The following RARB variants were observed in gnomAD, a reference collection of about 807,000 sequenced individuals.
RARB encodes the protein HBV-activated protein.
Under a neutral mutation model 51.9 loss-of-function variants are expected in RARB, and 17 were observed. The observed-to-expected ratio is 0.33, with a 90% CI of 0.22 to 0.49. The LOEUF (loss-of-function observed/expected upper bound fraction) is 0.49. Among genes scored for constraint, RARB ranks in the 20% least tolerant of loss-of-function variants. The pLI, the probability that RARB is intolerant of heterozygous loss-of-function variation, is 0.99. For missense variants in RARB, 369 were observed against 550.8 expected (o/e 0.67, Z 3.30); for synonymous variants, 215 against 195.4 (o/e 1.10, Z -0.84).
At chr3:25,255,469 A>G (rs188923) in intron 5 of RARB, among the ~76,000 whole-genome samples, 145,278 of 152,232 alleles carry the variant, frequency 0.95, 69,465 homozygotes, top group Non-Finnish European at 0.98. Flanking sequence ...GTACAATTAC[A>G]AATTCAGAAA....
intron 5 of RARB, among the ~76,000 whole-genome samples, chr3:25,387,374 A>G (rs369877323): frequency 7.2e-5 from 11 of 152,044 alleles, no homozygotes; most frequent in African/African-American, 2.7e-4. Flanking sequence ...TACCCAGATC[A>G]CCCTCTTTCC....
chr3:24,988,066 G>A (rs1696832720), intron 2 of RARB, among the ~76,000 whole-genome samples: 1 of 151,982 alleles, frequency 6.6e-6, no homozygotes, highest in South Asian at 2.1e-4. Context: ...ACACATGGTT[G>A]AAACGCTTGC....
chr3:24,959,141 T>C (rs1342803774), intron 2 of RARB, among the ~76,000 whole-genome samples: 1 of 152,220 alleles, frequency 6.6e-6, no homozygotes, highest in Non-Finnish European at 1.5e-5. Context: ...GGTAAACAGC[T>C]GAGTGGGCCC....
intron 2 of RARB, among the ~76,000 whole-genome samples, chr3:24,923,704 T>C (rs757246056): frequency 1.3e-5 from 2 of 152,136 alleles, no homozygotes; most frequent in Non-Finnish European, 2.9e-5. Context: ...GCTAGCTGAA[T>C]CACGTGGAAT....
intron 5 of RARB, among the ~76,000 whole-genome samples, chr3:25,421,705 T>A (rs569372375): frequency 6.6e-6 from 1 of 152,224 alleles, no homozygotes; most frequent in African/African-American, 2.4e-5. Flanking sequence ...TGCACGGCCT[T>A]GCACTGACAT....
chr3:25,468,213 A>G (rs1379959435), intron 2 of RARB, among the ~76,000 whole-genome samples: 1 of 152,212 alleles, frequency 6.6e-6, no homozygotes, highest in Non-Finnish European at 1.5e-5. Flanking sequence ...CATGTCAAAT[A>G]CAGACATAAA....
intron 5 of RARB, among the ~76,000 whole-genome samples, chr3:25,300,805 C>T (rs1704020482): frequency 6.6e-6 from 1 of 151,992 alleles, no homozygotes; most frequent in Non-Finnish European, 1.5e-5. Context: ...GCCTGGGCAA[C>T]ATGGTGAAAC....
In RARB at chr3:25,501,424, C is replaced by T. The variant is rs540750975; in HGVS notation, c.448+101C>T. ...AATTCACACACGACACTAACGAAAT[C>T]TTGCCAAGGGTAGGTGTGAATAGAG... is the stretch of plus-strand genomic sequence containing the variant. On this transcript the variant is annotated intron_variant, in intron 3 of 7. Coordinates refer to ENST00000330688, the MANE Select transcript of RARB (RefSeq NM_000965.5). 25 of 1,440,288 alleles carry T rather than the reference C, an allele frequency of 1.7e-5. No individual in the cohort carries two copies. In the East Asian group the frequency reaches 5.7e-4, roughly 33 times the overall value. 89.2% of individuals were successfully genotyped at this position (1,440,288 alleles called of 1,614,324 possible). A position where few individuals can be genotyped will look rare whatever the true frequency, so the allele number is the denominator to read the frequency against.
intron 2 of RARB, among the ~76,000 whole-genome samples, chr3:24,907,755 A>G (rs998890260): frequency 6.6e-6 from 1 of 152,242 alleles, no homozygotes; most frequent in Non-Finnish European, 1.5e-5. Flanking sequence ...ATAAGTAAAT[A>G]TCTAGTAAAC....
chr3:25,229,713 G>A (rs957693066), intron 5 of RARB, among the ~76,000 whole-genome samples: 3 of 110,814 alleles, frequency 2.7e-5, no homozygotes, highest in Admixed American at 2.8e-4. Context: ...AGCAGTCATT[G>A]TTAGAAAGCA....
At chr3:25,407,742 G>C (rs1281747960) in intron 5 of RARB, among the ~76,000 whole-genome samples, 1 of 140,068 alleles carries the variant, frequency 7.1e-6, no homozygotes, top group Non-Finnish European at 1.5e-5. Context: ...AATACTTTCA[G>C]TTCTCTGCAT....
At chr3:24,911,794 AG>A (rs1694994097) in intron 2 of RARB, among the ~76,000 whole-genome samples, 1 of 152,238 alleles carries the variant, frequency 6.6e-6, no homozygotes, top group African/African-American at 2.4e-5. Flanking sequence ...CTCTTAAAAA[AG>A]TACCATATTG....
intron 2 of RARB, among the ~76,000 whole-genome samples, chr3:24,881,945 G>A (rs1374979279): frequency 6.6e-6 from 1 of 152,048 alleles, no homozygotes; most frequent in African/African-American, 2.4e-5. Flanking sequence ...TAGCTCTTGG[G>A]AAAACAGTTT....
chr3:25,129,479 A>C (rs1325979292), intron 3 of RARB, among the ~76,000 whole-genome samples: 2 of 152,116 alleles, frequency 1.3e-5, no homozygotes, highest in African/African-American at 4.8e-5. Flanking sequence ...ACTTATCTCA[A>C]GACCAAGTTG....
At chr3:24,985,359 T>G (rs923060577) in intron 2 of RARB, among the ~76,000 whole-genome samples, 1 of 151,884 alleles carries the variant, frequency 6.6e-6, no homozygotes, top group Non-Finnish European at 1.5e-5. Context: ...GTTTTTTTTT[T>G]TTTTTGACAA....
intron 2 of RARB, among the ~76,000 whole-genome samples, chr3:25,053,465 A>C (rs1013046949): frequency 6.6e-6 from 1 of 152,160 alleles, no homozygotes; most frequent in African/African-American, 2.4e-5. Context: ...GTTGAAATGA[A>C]TTGAATCCTT....
At chr3:24,848,650 G>A (rs1702514977) in intron 1 of RARB, among the ~76,000 whole-genome samples, 2 of 152,184 alleles carry the variant, frequency 1.3e-5, no homozygotes, top group Non-Finnish European at 2.9e-5. Flanking sequence ...TTTGCTGTTT[G>A]CAATGCTTCT....
intron 3 of RARB, among the ~76,000 whole-genome samples, chr3:25,074,363 G>GT (rs1559456712): frequency 6.6e-6 from 1 of 152,136 alleles, no homozygotes; most frequent in African/African-American, 2.4e-5. Flanking sequence ...TGATAGGAGT[G>GT]TGTTTATTTT....
chr3:25,078,922 A>G (rs1698932784), intron 3 of RARB, among the ~76,000 whole-genome samples: 1 of 152,176 alleles, frequency 6.6e-6, no homozygotes, highest in African/African-American at 2.4e-5. Context: ...CGAACTCTAC[A>G]AAGGAGCCTG....
Sources: gnomAD v4.1 joint callset for allele counts (sites outside exome capture counted in the v4.1 genomes callset) on GRCh38, gnomAD v4.1.1 for gene constraint, MANE v1.5 for transcripts, NCBI Gene and HGNC (gene_info 2026-07-23, HGNC 2026-07-21) for gene names.